ZNHIT6: variants seen among roughly 807,000 people sequenced by gnomAD.
ZNHIT6 encodes the protein zinc finger HIT-type containing 6, also known as box C/D snoRNA protein 1.
ZNHIT6 carries 45 observed loss-of-function variants against 57.2 expected under a neutral mutation model. That is an observed-to-expected ratio of 0.79 (90% CI 0.62 to 1.01). The LOEUF (loss-of-function observed/expected upper bound fraction) is 1.01, where lower values mean the gene tolerates loss of function less well. ZNHIT6 is among the 50% of genes least tolerant of loss of function. The pLI, the probability that ZNHIT6 is intolerant of heterozygous loss-of-function variation, is 0.00. For missense variants in ZNHIT6, 528 were observed against 567.3 expected, an observed-to-expected ratio of 0.93 and a Z score of 0.70; for synonymous variants, 188 against 190.0, an observed-to-expected ratio of 0.99 and a Z score of 0.09.
chr1:85,667,961 A>AAAAAAAAAAAAATGTATATATATAT, intron 8 of ZNHIT6, among the ~76,000 whole-genome samples: 19 of 18,196 alleles, frequency 1.0e-3, no homozygotes, highest in East Asian at 1.7e-3. Context: ...AAAAAAAAAA[A>AAAAAAAAAAAAATGTATATATATAT]ATATATATAT....
At chr1:85,682,178 A>AT (rs11394558) in intron 5 of ZNHIT6, among the ~76,000 whole-genome samples, 69,549 of 130,152 alleles carry the variant, frequency 0.53, 19,358 homozygotes, top group Non-Finnish European at 0.63. Context: ...CGCCCGGCTA[A>AT]TTTTTTTTTT....
rs188034438 is a variant in ZNHIT6 at position 85,651,809 on chromosome 1, G to A, written c.*2249C>T. Reference sequence around the variant, plus strand: ...TGGAGAGGGCCTCCAAAAAGATATTGGGTCTCAATGCTACAAACATCTAGG... The same window carrying A: ...TGGAGAGGGCCTCCAAAAAGATATTAGGTCTCAATGCTACAAACATCTAGG... On this transcript the variant is annotated 3_prime_UTR_variant, in exon 10 of 10. Coordinates refer to ENST00000370574, the MANE Select transcript of ZNHIT6 (RefSeq NM_017953.4). The A allele has an allele frequency of 1.6e-4, 25 of 152,234 alleles. No homozygotes were observed. The highest frequency in any genetic ancestry group is 2.8e-4 in the Non-Finnish European group (19 of 68,022). 9.4% of individuals were successfully genotyped at this position (152,234 alleles called of 1,614,324 possible).
chr1:85,700,713 C>T (rs1662507432), intron 5 of ZNHIT6, among the ~76,000 whole-genome samples: 1 of 152,128 alleles, frequency 6.6e-6, no homozygotes, highest in South Asian at 2.1e-4. Context: ...AAACTTCTAA[C>T]CAGTTACCAT....
chr1:85,708,207 T>C lies in ZNHIT6; in HGVS notation c.78A>G (p.Pro26=), dbSNP rs1374667547. 6.2e-7 allele frequency: 1 copy of C among 1,613,980 alleles called. No individual in the cohort carries two copies. Among genetic ancestry groups the C allele is most frequent in the East Asian group, 2.2e-5 (1 of 44,886 alleles). ...CCCTTACTCCCTCCCTGCCAGGCTC[T>C]GGACTTAGCCGCACCCCCTCAGCTA... is the stretch of plus-strand genomic sequence containing the variant. ...HSVAEGVRLS[P]EPGREGVRDL... is the part of the protein sequence containing the mutation. Residue 26 remains proline (P), a synonymous_variant, in exon 1 of 10, where the codon CCA becomes CCG. Transcript: ENST00000370574.
intron 8 of ZNHIT6, among the ~76,000 whole-genome samples, chr1:85,659,590 C>T (rs1269143259): frequency 3.9e-5 from 6 of 152,176 alleles, no homozygotes; most frequent in African/African-American, 1.4e-4. Flanking sequence ...TTTAAATTTG[C>T]TGTAATTTTA....
intron 8 of ZNHIT6, among the ~76,000 whole-genome samples, chr1:85,670,169 G>A (rs745513822): frequency 1.7e-4 from 26 of 151,856 alleles, no homozygotes; most frequent in Non-Finnish European, 3.2e-4. Flanking sequence ...AGCAGGAATC[G>A]GCAAACTACA....
chr1:85,701,579 G>A (rs910392064), intron 5 of ZNHIT6, among the ~76,000 whole-genome samples: 1 of 152,116 alleles, frequency 6.6e-6, no homozygotes, highest in Non-Finnish European at 1.5e-5. Context: ...TACATTGACA[G>A]CTTTTAATTG....
At chr1:85,657,531 G>A (rs1661093034) in intron 9 of ZNHIT6, among the ~76,000 whole-genome samples, 1 of 149,846 alleles carries the variant, frequency 6.7e-6, no homozygotes, top group South Asian at 2.1e-4. Flanking sequence ...ACGTGATCAT[G>A]GACAGTTACT....
intron 5 of ZNHIT6, among the ~76,000 whole-genome samples, chr1:85,695,142 C>G (rs990308235): frequency 3.3e-5 from 5 of 151,960 alleles, no homozygotes; most frequent in African/African-American, 1.2e-4. Flanking sequence ...CAGGCACCTA[C>G]AGTCCCAGCT....
intron 1 of ZNHIT6, 83 bp from the exon 2 acceptor site, chr1:85,706,590 A>C: frequency 7.9e-7 from 1 of 1,259,906 alleles, no homozygotes; most frequent in African/African-American, 1.5e-5. Flanking sequence ...TCAATTTATA[A>C]ACTCAGTGAC....
intron 5 of ZNHIT6, among the ~76,000 whole-genome samples, chr1:85,690,289 T>C (rs1042507512): frequency 3.3e-5 from 5 of 152,164 alleles, no homozygotes; most frequent in Admixed American, 2.6e-4. Context: ...CCTCATCTCC[T>C]ATCGCTCACC....
intron 1 of ZNHIT6, 132 bp downstream of exon 1, chr1:85,707,497 G>A: frequency 1.0e-6 from 1 of 992,464 alleles, no homozygotes; most frequent in Non-Finnish European, 1.4e-6. Context: ...CGCGAACGCC[G>A]TCTGACTCCA....
At position 85,677,275 on chromosome 1, in the gene ZNHIT6, ATCTGAACCCCAG is replaced by A; in HGVS notation, c.1196_1207del (p.Thr399_Gln402del). 3.1e-6 allele frequency: 5 copies of A among 1,609,512 alleles called. No homozygotes were observed. Among genetic ancestry groups the A allele is most frequent in the Non-Finnish European group, 3.4e-6 (4 of 1,178,676 alleles). On this transcript the variant is annotated inframe_deletion, in exon 8 of 10. Transcript: ENST00000370574. Reference sequence around the variant, plus strand: ...CTGCATATATTCAATCTTCATTAAAATCTGAACCCCAGTCTGAGAGCGAATGTAGGCTTTCAA... The same window carrying A: ...CTGCATATATTCAATCTTCATTAAAATCTGAGAGCGAATGTAGGCTTTCAA...
Position 85,686,524 on chromosome 1 carries a change from A to G in ZNHIT6, c.1020-5620T>C, listed in dbSNP as rs145768649. 1.5e-4 allele frequency among the ~76,000 whole-genome samples: 23 copies of G among 151,516 alleles called. No homozygotes were observed. In the East Asian group the frequency reaches 3.5e-3, roughly 23 times the overall value. ...TAATACAAAGTTTAAAGAAGCTTGA[A>G]TATTTCTGTTCTTTTTTTTTTAATC... On this transcript the variant is annotated intron_variant, in intron 5 of 9. Transcript: ENST00000370574.
chr1:85,668,048 AT>A (rs990699256), intron 8 of ZNHIT6, among the ~76,000 whole-genome samples: 1 of 142,542 alleles, frequency 7.0e-6, no homozygotes, highest in Non-Finnish European at 1.5e-5. Flanking sequence ...CTCTTGCAGA[AT>A]TTTATACCAA....
intron 4 of ZNHIT6, among the ~76,000 whole-genome samples, chr1:85,702,672 A>G (rs1662570452): frequency 6.6e-6 from 1 of 152,046 alleles, no homozygotes; most frequent in Non-Finnish European, 1.5e-5. Flanking sequence ...TTTACCAGTT[A>G]GCTGTATATA....
chr1:85,697,242 C>T (rs773302569), intron 5 of ZNHIT6, among the ~76,000 whole-genome samples: 3 of 152,124 alleles, frequency 2.0e-5, no homozygotes, highest in Non-Finnish European at 1.5e-5. Flanking sequence ...TGCATAAGCA[C>T]TCTGTGTCAT....
intron 5 of ZNHIT6, among the ~76,000 whole-genome samples, chr1:85,701,906 CATTA>C (rs1662539567): frequency 6.6e-6 from 1 of 151,520 alleles, no homozygotes. Context: ...CTGGTATGCA[CATTA>C]ATGTTTGAGA....
At chr1:85,687,738 T>C (rs1340459053) in intron 5 of ZNHIT6, among the ~76,000 whole-genome samples, 1 of 152,238 alleles carries the variant, frequency 6.6e-6, no homozygotes, top group African/African-American at 2.4e-5. Flanking sequence ...TTTTTACTTC[T>C]GATTTTTAAA....
Sources: gnomAD v4.1 joint callset for allele counts (sites outside exome capture counted in the v4.1 genomes callset) on GRCh38, gnomAD v4.1.1 for gene constraint, MANE v1.5 for transcripts, NCBI Gene and HGNC (gene_info 2026-07-23, HGNC 2026-07-21) for gene names.